Variants in ATXN1 observed in about 807,000 individuals in gnomAD.
ATXN1 encodes ataxin-1.
In ATXN1, 8 loss-of-function variants were observed where a neutral mutation model predicts 56.4. The observed-to-expected ratio is 0.14, with a 90% CI of 0.08 to 0.26. The LOEUF (loss-of-function observed/expected upper bound fraction) is 0.26. Among genes scored for constraint, ATXN1 ranks in the 10% least tolerant of loss-of-function variants. The pLI is 1.00. For synonymous variants in ATXN1, 514 were observed against 494.6 expected (o/e 1.04, Z -0.52); for missense variants, 987 against 1,106.5 (o/e 0.89, Z 1.53).
intron 6 of ATXN1, among the ~76,000 whole-genome samples, chr6:16,408,552 A>G (rs1047034173): frequency 2.6e-5 from 4 of 152,178 alleles, no homozygotes; most frequent in African/African-American, 4.8e-5. Flanking sequence ...ACTCAGGCCT[A>G]TCATCTGACA....
At chr6:16,373,700 T>C (rs1762090369) in intron 6 of ATXN1, among the ~76,000 whole-genome samples, 1 of 152,228 alleles carries the variant, frequency 6.6e-6, no homozygotes, top group African/African-American at 2.4e-5. Flanking sequence ...CCCCTTTTGA[T>C]TGCCTCTCAT....
chr6:16,650,786 G>A (rs1055700132), intron 3 of ATXN1, among the ~76,000 whole-genome samples: 3 of 152,118 alleles, frequency 2.0e-5, no homozygotes, highest in African/African-American at 7.2e-5. Flanking sequence ...AACCAATCTG[G>A]CTGTTTCTGT....
At chr6:16,711,368 A>T (rs1221760771) in intron 2 of ATXN1, among the ~76,000 whole-genome samples, 2 of 152,114 alleles carry the variant, frequency 1.3e-5, no homozygotes, top group East Asian at 3.9e-4. Context: ...TGTTATAAAG[A>T]CACAAAAAGC....
chr6:16,319,014 C>T (rs1760582864), intron 7 of ATXN1, among the ~76,000 whole-genome samples: 1 of 151,996 alleles, frequency 6.6e-6, no homozygotes, highest in African/African-American at 2.4e-5. Context: ...CTCAGGAGTT[C>T]AAGAGCAGCC....
At chr6:16,447,697 A>T (rs1759663671) in intron 6 of ATXN1, among the ~76,000 whole-genome samples, 1 of 152,194 alleles carries the variant, frequency 6.6e-6, no homozygotes, top group Non-Finnish European at 1.5e-5. Flanking sequence ...GAGAGCAGAA[A>T]GGGACAGAAC....
intron 6 of ATXN1, among the ~76,000 whole-genome samples, chr6:16,338,849 T>C (rs1277034657): frequency 2.0e-5 from 3 of 152,168 alleles, no homozygotes; most frequent in African/African-American, 7.2e-5. Flanking sequence ...AGTTCATTTT[T>C]TTCTTCACTT....
At chr6:16,457,495 G>T (rs565928874) in intron 6 of ATXN1, among the ~76,000 whole-genome samples, 2 of 151,820 alleles carry the variant, frequency 1.3e-5, no homozygotes, top group African/African-American at 4.8e-5. Context: ...AATTTGTCCC[G>T]CAAACCCTGA....
chr6:16,554,254 T>C (rs1218539268), intron 4 of ATXN1, among the ~76,000 whole-genome samples: 3 of 152,288 alleles, frequency 2.0e-5, no homozygotes, highest in South Asian at 2.1e-4. Flanking sequence ...GGCAAAACAA[T>C]AACTTTTGTT....
At chr6:16,638,459 A>AAC (rs1554122241) in intron 3 of ATXN1, among the ~76,000 whole-genome samples, 16 of 149,192 alleles carry the variant, frequency 1.1e-4, no homozygotes, top group African/African-American at 2.5e-4. Flanking sequence ...AAAAAAAAAA[A>AAC]AAAAAAAAAC....
chr6:16,316,467 C>T (rs993473891), intron 7 of ATXN1, among the ~76,000 whole-genome samples: 1 of 152,198 alleles, frequency 6.6e-6, no homozygotes, highest in African/African-American at 2.4e-5. Context: ...AAAGAAGAGG[C>T]CGGGCATGGT....
intron 6 of ATXN1, among the ~76,000 whole-genome samples, chr6:16,417,169 C>A (rs909270533): frequency 6.6e-6 from 1 of 152,140 alleles, no homozygotes. Context: ...GTACCTGGGA[C>A]TACAGGTATG....
At chr6:16,500,402 C>T (rs1296185125) in intron 5 of ATXN1, among the ~76,000 whole-genome samples, 1 of 152,198 alleles carries the variant, frequency 6.6e-6, no homozygotes, top group Non-Finnish European at 1.5e-5. Flanking sequence ...AAAGGGCCAA[C>T]CACTGTGAGT....
chr6:16,435,711 T>A (rs1759374220), intron 6 of ATXN1, among the ~76,000 whole-genome samples: 1 of 152,034 alleles, frequency 6.6e-6, no homozygotes, highest in Admixed American at 6.5e-5. Flanking sequence ...AGGAATGTCC[T>A]CGGGCCATCT....
rs780670645 is a variant in ATXN1 at position 16,585,803 on chromosome 6, A to G, written c.-384T>C. ...ACCTGTACCATGTGCTTTCATCACA[A>G]TGGAGAACCATAAGCTATCAGTTCC... On this transcript the variant is annotated 5_prime_UTR_variant, in exon 4 of 8. Coordinates refer to ENST00000436367, the MANE Select transcript of ATXN1 (RefSeq NM_001128164.2). 6.6e-6 allele frequency: 1 copy of G among 152,202 alleles called. No individual in the cohort carries two copies. The highest frequency in any genetic ancestry group is 1.5e-5 in the Non-Finnish European group (1 of 68,038). 9.4% of individuals were successfully genotyped at this position (152,202 alleles called of 1,614,324 possible). A position where few individuals can be genotyped will look rare whatever the true frequency, so the allele number is the denominator to read the frequency against.
At chr6:16,704,902 G>C (rs1461400325) in intron 2 of ATXN1, among the ~76,000 whole-genome samples, 1 of 152,200 alleles carries the variant, frequency 6.6e-6, no homozygotes, top group Non-Finnish European at 1.5e-5. Context: ...CTCAGCGAGG[G>C]GGAGGGGGCA....
intron 4 of ATXN1, among the ~76,000 whole-genome samples, chr6:16,536,457 T>C (rs1037870661): frequency 1.3e-5 from 2 of 152,212 alleles, no homozygotes; most frequent in Non-Finnish European, 2.9e-5. Flanking sequence ...TGTACAATTC[T>C]TACAATTTAC....
intron 3 of ATXN1, among the ~76,000 whole-genome samples, chr6:16,616,587 T>C (rs895614605): frequency 1.4e-5 from 2 of 145,060 alleles, no homozygotes; most frequent in Non-Finnish European, 3.0e-5. Flanking sequence ...ATATATTTTA[T>C]AATATATTAT....
intron 6 of ATXN1, among the ~76,000 whole-genome samples, chr6:16,350,960 T>G (rs1761552922): frequency 6.6e-6 from 1 of 152,122 alleles, no homozygotes; most frequent in South Asian, 2.1e-4. Flanking sequence ...GGTGCATGCT[T>G]GCAGTCCCAG....
intron 6 of ATXN1, among the ~76,000 whole-genome samples, chr6:16,385,774 A>C (rs1419369727): frequency 6.6e-6 from 1 of 152,194 alleles, no homozygotes. Flanking sequence ...TATTTTTCTG[A>C]TTACAGGTTT....
Sources: gnomAD v4.1 joint callset for allele counts (sites outside exome capture counted in the v4.1 genomes callset) on GRCh38, gnomAD v4.1.1 for gene constraint, MANE v1.5 for transcripts, NCBI Gene and HGNC (gene_info 2026-07-23, HGNC 2026-07-21) for gene names.